Variants in UNC13B observed in about 807,000 individuals in gnomAD.
The protein encoded by UNC13B is unc-13 homolog B, also known as protein unc-13 homolog B.
UNC13B carries 144 observed loss-of-function variants against 211.0 expected under a neutral mutation model. The observed-to-expected ratio is 0.68, with a 90% CI of 0.60 to 0.78. The LOEUF is 0.78. Among genes scored for constraint, UNC13B ranks in the 30% least tolerant of loss-of-function variants. UNC13B has a pLI of 0.00. For synonymous variants in UNC13B, 709 were observed against 725.8 expected (o/e 0.98, Z 0.37); for missense variants, 1,777 against 2,002.0 (o/e 0.89, Z 2.14).
intron 12 of UNC13B, among the ~76,000 whole-genome samples, chr9:35,368,475 T>A (rs1833913521): frequency 1.3e-5 from 2 of 152,358 alleles, no homozygotes; most frequent in South Asian, 4.1e-4. Context: ...GGCATTTAGC[T>A]TGATTCCATG....
At chr9:35,353,209 G>A in intron 11 of UNC13B, 6 of 1,232,196 alleles carry the variant, frequency 4.9e-6, no homozygotes, top group Non-Finnish European at 6.1e-6. Context: ...TCTTTGACAA[G>A]TCCTCTTGTG....
intron 6 of UNC13B, among the ~76,000 whole-genome samples, chr9:35,255,010 T>TAATA (rs1411648816): frequency 2.0e-4 from 22 of 111,394 alleles, no homozygotes; most frequent in Non-Finnish European, 2.0e-4. Context: ...ATATTATATA[T>TAATA]TAATATATGT....
intron 26 of UNC13B, among the ~76,000 whole-genome samples, chr9:35,395,037 C>G (rs920165320): frequency 2.2e-4 from 33 of 152,034 alleles, no homozygotes; most frequent in East Asian, 1.4e-3. Flanking sequence ...AGGAGGAGGG[C>G]CCTCCTGATG....
chr9:35,210,041 A>G (rs925659651), intron 1 of UNC13B, among the ~76,000 whole-genome samples: 3 of 152,150 alleles, frequency 2.0e-5, no homozygotes, highest in African/African-American at 7.2e-5. Flanking sequence ...GGAGTTCAAG[A>G]CCAGCCTGGA....
chr9:35,301,757 A>T lies in UNC13B; in HGVS notation c.2353A>T (p.Thr785Ser). The T allele has an allele frequency of 2.5e-6, 1 of 398,928 alleles. No individual in the cohort carries two copies. The highest frequency in any genetic ancestry group is 4.4e-6 in the Non-Finnish European group (1 of 225,944). The allele number at this position is 398,928 out of a possible 1,614,324, so 24.7% of individuals were successfully genotyped here. The change falls in exon 9 of 40, where the codon ACT becomes TCT. Residue 785 changes from threonine (T) to serine (S), a missense_variant. Thr to Ser is a moderately conservative substitution (Grantham distance 58, BLOSUM62 1). Coordinates refer to ENST00000635942, the MANE Select transcript of UNC13B (RefSeq NM_001371189.2). Reference protein sequence around the residue: ...PGHPCIAGSRTANKEVFSKPL... With the variant: ...PGHPCIAGSRSANKEVFSKPL... ...ACATCCTTGTATAGCTGGCAGTAGA[A>T]CTGCAAATAAAGAGGTATTTTCAAA... is the stretch of plus-strand genomic sequence containing the variant.
chr9:35,320,740 T>C (rs964880294), intron 11 of UNC13B, among the ~76,000 whole-genome samples: 50 of 152,216 alleles, frequency 3.3e-4, no homozygotes, highest in African/African-American at 1.2e-3. Flanking sequence ...AGTTACTTGT[T>C]TACTGCTATG....
At chr9:35,380,415 A>G in intron 17 of UNC13B, 55 bp from the exon 18 acceptor site, 1 of 1,576,960 alleles carries the variant, frequency 6.3e-7, no homozygotes, top group African/African-American at 1.3e-5. Flanking sequence ...AGGAAGTAAC[A>G]GGATTTGGCG....
Position 35,305,238 on chromosome 9 carries a change from T to TAAA in UNC13B, c.5834_5835insAAA (p.Phe1945delinsLeuAsn). On this transcript the variant is annotated protein_altering_variant, in exon 9 of 40. Coordinates refer to ENST00000635942, the MANE Select transcript of UNC13B (RefSeq NM_001371189.2). ...CAGTCATCTGGATTTTTGAATCTTT[T>TAAA]TAAGACTCAGGTGAATAAAGAAGGA... The TAAA allele has an allele frequency of 2.5e-6, 1 of 398,970 alleles. No individual in the cohort carries two copies. The highest frequency in any genetic ancestry group is 4.4e-6 in the Non-Finnish European group (1 of 226,006). The allele number at this position is 398,970 out of a possible 1,614,324, so 24.7% of individuals were successfully genotyped here.
At chr9:35,390,122 G>A (rs896505359) in intron 25 of UNC13B, 149 bp downstream of exon 25, 262 of 1,436,240 alleles carry the variant, frequency 1.8e-4, no homozygotes, top group Non-Finnish European at 2.4e-4. Flanking sequence ...ATCTGTCTGG[G>A]TAACTGTTTC....
Position 35,300,682 on chromosome 9 carries a change from T to C in UNC13B, c.1278T>C (p.Asn426=), listed in dbSNP as rs1485461439. The part of the protein sequence containing the change: ...ANSALPLQRM[N]CDAKTLGDLS... ...CAGCATTGCCATTACAAAGGATGAA[T>C]TGTGATGCAAAAACACTTGGAGATC... is the stretch of plus-strand genomic sequence containing the variant. The change falls in exon 9 of 40, where the codon AAT becomes AAC. Residue 426 remains asparagine (N), a synonymous_variant. Coordinates refer to ENST00000635942, the MANE Select transcript of UNC13B (RefSeq NM_001371189.2). The C allele has an allele frequency of 1.0e-5, 4 of 398,878 alleles. No individual in the cohort carries two copies. Among genetic ancestry groups the C allele is most frequent in the African/African-American group, 2.1e-5 (1 of 48,634 alleles). 24.7% of individuals were successfully genotyped at this position (398,878 alleles called of 1,614,324 possible). A position where few individuals can be genotyped will look rare whatever the true frequency, so the allele number is the denominator to read the frequency against.
chr9:35,337,486 C>T (rs549406211), intron 11 of UNC13B, among the ~76,000 whole-genome samples: 176 of 152,198 alleles, frequency 1.2e-3, no homozygotes, highest in Non-Finnish European at 2.0e-3. Context: ...CCTCTAAACA[C>T]GTAGTTCTCT....
At position 35,237,833 on chromosome 9, in the gene UNC13B, A is replaced by G; in HGVS notation, c.394+7A>G. On this transcript the variant is annotated splice_region_variant and intron_variant, in intron 5 of 39. Coordinates refer to ENST00000635942, the MANE Select transcript of UNC13B (RefSeq NM_001371189.2). The stretch of plus-strand genomic sequence containing the variant: ...AGATTTGAGTTGCCTTTTGGTGAGT[A>G]AAATTTTAAAACTATTTAATAATTT... The G allele has an allele frequency of 6.3e-7, 1 of 1,597,094 alleles. No homozygotes were observed. The highest frequency in any genetic ancestry group is 1.4e-5 in the African/African-American group (1 of 73,630).
rs1199766588 is a variant in UNC13B, at chr9:35,377,709, A to G, written c.10063+14A>G. On this transcript the variant is annotated intron_variant, in intron 16 of 39. Coordinates refer to ENST00000635942, the MANE Select transcript of UNC13B (RefSeq NM_001371189.2). ...TCACCATTACTGGTGAGCAGGCCAC[A>G]GTTTGAGGGGACAGGAAGGCCTGGG... 6.2e-7 allele frequency: 1 copy of G among 1,611,608 alleles called. No individual in the cohort carries two copies. The highest frequency in any genetic ancestry group is 8.5e-7 in the Non-Finnish European group (1 of 1,178,528).
Position 35,301,268 on chromosome 9 carries a change from A to G in UNC13B, c.1864A>G (p.Met622Val), listed in dbSNP as rs891423630. The G allele has an allele frequency of 5.0e-6, 2 of 398,806 alleles. No homozygotes were observed. The highest frequency in any genetic ancestry group is 4.4e-5 in the Admixed American group (1 of 22,716). The allele number at this position is 398,806 out of a possible 1,614,324, so 24.7% of individuals were successfully genotyped here. Reference protein sequence around the residue: ...RHRKTSENEHMGNKTGSLYFQ... With the variant: ...RHRKTSENEHVGNKTGSLYFQ... ...TAGAAAAACCTCTGAAAATGAGCAC[A>G]TGGGTAATAAAACTGGGAGTTTATA... is the stretch of plus-strand genomic sequence containing the variant. The change falls in exon 9 of 40, where the codon ATG (methionine) becomes GTG (valine). Residue 622 changes from methionine to valine, a missense_variant. Transcript: ENST00000635942.
chr9:35,334,182 T>G (rs373600809), intron 11 of UNC13B, among the ~76,000 whole-genome samples: 124 of 152,296 alleles, frequency 8.1e-4, no homozygotes, highest in African/African-American at 2.9e-3. Flanking sequence ...GCCAGGCTGG[T>G]CTTGAACTCC....
chr9:35,327,062 A>G (rs1203043714), intron 11 of UNC13B, among the ~76,000 whole-genome samples: 1 of 152,118 alleles, frequency 6.6e-6, no homozygotes, highest in Non-Finnish European at 1.5e-5. Flanking sequence ...TGCCTTAATT[A>G]TGCCCTAACT....
At chr9:35,389,524 G>T (rs1016737146) in intron 24 of UNC13B, among the ~76,000 whole-genome samples, 11 of 152,166 alleles carry the variant, frequency 7.2e-5, no homozygotes, top group Non-Finnish European at 4.4e-5. Flanking sequence ...GGCTGGAGGG[G>T]CTGTTTCCTT....
At chr9:35,270,686 T>C (rs1672533991) in intron 7 of UNC13B, among the ~76,000 whole-genome samples, 1 of 152,212 alleles carries the variant, frequency 6.6e-6, no homozygotes, top group Non-Finnish European at 1.5e-5. Flanking sequence ...GTATCTATCC[T>C]ATATTCAAAT....
chr9:35,171,811 A>G (rs776461736), intron 1 of UNC13B, among the ~76,000 whole-genome samples: 1 of 152,184 alleles, frequency 6.6e-6, no homozygotes, highest in Admixed American at 6.6e-5. Flanking sequence ...TTAGATGCAT[A>G]TACTGTTGTT....
Sources: allele counts gnomAD v4.1 joint callset (sites outside exome capture counted in the v4.1 genomes callset), GRCh38; gene constraint gnomAD v4.1.1; transcripts MANE v1.5; gene names NCBI Gene and HGNC (gene_info 2026-07-23, HGNC 2026-07-21).